PBX1: variants seen among roughly 807,000 people sequenced by gnomAD.
PBX1 encodes pre-B-cell leukemia transcription factor 1.
A neutral mutation model predicts 53.4 loss-of-function variants in PBX1; 6 were observed. The observed-to-expected ratio is 0.11, with a 90% CI of 0.06 to 0.22. The LOEUF (loss-of-function observed/expected upper bound fraction) is 0.22, where lower values mean the gene tolerates loss of function less well. Among genes scored for constraint, PBX1 ranks in the 10% least tolerant of loss-of-function variants. PBX1 has a pLI of 1.00. For missense variants in PBX1, 251 were observed against 551.4 expected (o/e 0.46, Z 5.46); for synonymous variants, 204 against 212.3 (o/e 0.96, Z 0.34).
intron 2 of PBX1, among the ~76,000 whole-genome samples, chr1:164,738,008 CAT>C (rs568682028): frequency 3.3e-5 from 5 of 150,810 alleles, no homozygotes; most frequent in East Asian, 1.9e-4. Flanking sequence ...TGTCATGCTT[CAT>C]ATATATATAT....
chr1:164,695,214 T>G (rs1000867832), intron 2 of PBX1, among the ~76,000 whole-genome samples: 1 of 152,218 alleles, frequency 6.6e-6, no homozygotes, highest in African/African-American at 2.4e-5. Context: ...CCCATATGCT[T>G]TCTTTAGTGG....
intron 2 of PBX1, among the ~76,000 whole-genome samples, chr1:164,617,192 A>G (rs956217929): frequency 6.6e-6 from 1 of 152,234 alleles, no homozygotes; most frequent in Non-Finnish European, 1.5e-5. Context: ...CCAGTTGGTT[A>G]GAGCTAATGG....
chr1:164,656,229 A>T (rs1026922292), intron 2 of PBX1, among the ~76,000 whole-genome samples: 2 of 152,226 alleles, frequency 1.3e-5, no homozygotes, highest in Non-Finnish European at 2.9e-5. Context: ...ATAATTATGT[A>T]ACTCTAGCCA....
chr1:164,849,405 T>G lies in PBX1; in HGVS notation c.*2729T>G. 1.3e-6 allele frequency: 2 copies of G among 1,535,570 alleles called. No homozygotes were observed. The highest frequency in any genetic ancestry group is 1.7e-6 in the Non-Finnish European group (2 of 1,146,730). ...GACTTCCAACGTGGCATCCGTGAGA[T>G]CTGTCCACATTAGGCGAAGCAGGAG... On this transcript the variant is annotated 3_prime_UTR_variant, in exon 9 of 9. Coordinates refer to ENST00000420696, the MANE Select transcript of PBX1 (RefSeq NM_002585.4).
At chr1:164,807,879 C>A (rs1284030487) in intron 5 of PBX1, among the ~76,000 whole-genome samples, 2 of 152,150 alleles carry the variant, frequency 1.3e-5, no homozygotes, top group Non-Finnish European at 2.9e-5. Context: ...TGAGAAGAAC[C>A]AGCAGAAGGA....
chr1:164,778,698 TTAG>T (rs1405215596), intron 2 of PBX1, among the ~76,000 whole-genome samples: 1 of 151,672 alleles, frequency 6.6e-6, no homozygotes, highest in Non-Finnish European at 1.5e-5. Context: ...ATGTGTGTCG[TTAG>T]TAGTTTTTCT....
At chr1:164,835,347 G>C (rs2102399836) in intron 8 of PBX1, among the ~76,000 whole-genome samples, 1 of 151,076 alleles carries the variant, frequency 6.6e-6, no homozygotes, top group African/African-American at 2.4e-5. Flanking sequence ...TTCTAAAAAT[G>C]GAATTGCTAG....
chr1:164,749,144 G>A (rs1445998491), intron 2 of PBX1, among the ~76,000 whole-genome samples: 1 of 152,250 alleles, frequency 6.6e-6, no homozygotes, highest in Non-Finnish European at 1.5e-5. Context: ...GGAAAAAAAA[G>A]CTGATAGCCC....
At chr1:164,569,522 A>C (rs1473202505) in intron 2 of PBX1, among the ~76,000 whole-genome samples, 1 of 151,978 alleles carries the variant, frequency 6.6e-6, no homozygotes, top group East Asian at 1.9e-4. Flanking sequence ...GAAAAGAGAC[A>C]AAAATTGCTG....
intron 2 of PBX1, among the ~76,000 whole-genome samples, chr1:164,756,292 G>A (rs1339079076): frequency 6.6e-6 from 1 of 152,140 alleles, no homozygotes; most frequent in Non-Finnish European, 1.5e-5. Flanking sequence ...CAAAAGGGCT[G>A]TCTGATTTTT....
At chr1:164,645,288 C>T (rs1026974504) in intron 2 of PBX1, among the ~76,000 whole-genome samples, 1 of 152,156 alleles carries the variant, frequency 6.6e-6, no homozygotes, top group Non-Finnish European at 1.5e-5. Context: ...TGTCCGCCAG[C>T]AGAGGCCAGA....
intron 2 of PBX1, among the ~76,000 whole-genome samples, chr1:164,786,662 C>T (rs1366045001): frequency 6.8e-6 from 1 of 147,356 alleles, no homozygotes; most frequent in African/African-American, 2.5e-5. Context: ...TATCGGTGTG[C>T]CTTGGGCATC....
At chr1:164,573,083 T>A (rs1653984616) in intron 2 of PBX1, among the ~76,000 whole-genome samples, 1 of 152,188 alleles carries the variant, frequency 6.6e-6, no homozygotes, top group Admixed American at 6.5e-5. Context: ...TAATTTTAAA[T>A]TTAATGATTT....
downstream of PBX1, chr1:164,854,135 G>C (rs1477628156): frequency 6.6e-6 from 1 of 151,604 alleles, no homozygotes; most frequent in Non-Finnish European, 1.5e-5. Context: ...CGAACTCCTG[G>C]CCTCAAGTGA....
intron 2 of PBX1, among the ~76,000 whole-genome samples, chr1:164,610,416 G>A (rs1656831979): frequency 6.6e-6 from 1 of 152,114 alleles, no homozygotes. Context: ...GTTCCAAAGA[G>A]AATGCGGTGG....
chr1:164,860,692 T>C (rs1558050511), intron 2 of PBX1, among the ~76,000 whole-genome samples: 1 of 152,156 alleles, frequency 6.6e-6, no homozygotes, highest in South Asian at 2.1e-4. Context: ...TTCCTGAAGT[T>C]ATCCACCTCT....
intron 2 of PBX1, among the ~76,000 whole-genome samples, chr1:164,618,631 T>C (rs1473758332): frequency 2.0e-5 from 3 of 152,092 alleles, no homozygotes; most frequent in Admixed American, 2.0e-4. Context: ...CCAAAATCAG[T>C]AGGGTTTTTT....
rs550464469 is a variant in PBX1 at position 164,723,222 on chromosome 1, C to T, written c.266-69272C>T. ...GACATATTGGACACTCCTACTAAAA[C>T]CCAATCCCTTTCCTGGCACCAGACT... On this transcript the variant is annotated intron_variant, in intron 2 of 8. Transcript: ENST00000420696. Among the ~76,000 whole-genome samples the T allele has an allele frequency of 4.6e-5, 7 of 152,270 alleles. No individual in the cohort carries two copies. In the South Asian group the frequency reaches 1.5e-3, roughly 32 times the overall value.
rs149912604 is a variant in PBX1 at position 164,598,315 on chromosome 1, T to C, written c.265+35004T>C. ...TCTTTTCTCTCTTTCCCCTTTCTCC[T>C]TCCTTTGTTCCCTCCCTTCCTAGAG... is the stretch of plus-strand genomic sequence containing the variant. On this transcript the variant is annotated intron_variant, in intron 2 of 8. Coordinates refer to ENST00000420696, the MANE Select transcript of PBX1 (RefSeq NM_002585.4). Among the ~76,000 whole-genome samples, 348 of 152,322 alleles carry C rather than the reference T, an allele frequency of 2.3e-3. 1 individual carries two copies. Among genetic ancestry groups the C allele is most frequent in the African/African-American group, 6.6e-3 (273 of 41,570 alleles).
Sources: allele counts gnomAD v4.1 joint callset (sites outside exome capture counted in the v4.1 genomes callset), GRCh38; gene constraint gnomAD v4.1.1; transcripts MANE v1.5; gene names NCBI Gene and HGNC (gene_info 2026-07-23, HGNC 2026-07-21).